The following SAMD7 variants were observed in gnomAD, a reference collection of about 807,000 sequenced individuals.
SAMD7 encodes sterile alpha motif domain containing 7.
A neutral mutation model predicts 36.7 loss-of-function variants in SAMD7; 34 were observed. The observed-to-expected ratio is 0.93, with a 90% CI of 0.71 to 1.23. The LOEUF (loss-of-function observed/expected upper bound fraction) is 1.23, where lower values mean the gene tolerates loss of function less well. SAMD7 is among the 50% of genes most tolerant of loss of function. SAMD7 has a pLI of 0.00. For missense variants in SAMD7, 570 were observed against 546.6 expected (o/e 1.04, Z -0.43); for synonymous variants, 188 against 189.7 (o/e 0.99, Z 0.07).
intron 7 of SAMD7, chr3:169,933,035 C>A (rs1300344011): frequency 4.9e-6 from 4 of 812,942 alleles, no homozygotes; most frequent in Non-Finnish European, 8.7e-6. Flanking sequence ...ACAGACGGAA[C>A]TACCTAAAGA....
intron 3 of SAMD7, among the ~76,000 whole-genome samples, 176 bp from the exon 4 acceptor site, chr3:169,921,038 A>G (rs1301295046): frequency 6.6e-6 from 1 of 152,164 alleles, no homozygotes; most frequent in African/African-American, 2.4e-5. Flanking sequence ...GTACTTCCCG[A>G]TCTTTCCACC....
At position 169,938,793 on chromosome 3, in the gene SAMD7, G is replaced by A. The variant is rs1404856710; in HGVS notation, c.*287G>A. The stretch of plus-strand genomic sequence containing the variant: ...ATGTTTCCATGAAGAAATCTCTGAA[G>A]AAACCAAAAGAGCTGAAACTGAAAA... On this transcript the variant is annotated 3_prime_UTR_variant, in exon 9 of 9. Transcript: ENST00000335556. 5 of 276,016 alleles carry A rather than the reference G, an allele frequency of 1.8e-5. No homozygotes were observed. The highest frequency in any genetic ancestry group is 9.9e-4 in the Middle Eastern group (1 of 1,006). The allele number at this position is 276,016 out of a possible 1,614,324, so 17.1% of individuals were successfully genotyped here.
intron 5 of SAMD7, chr3:169,926,301 C>A (rs2108261354): frequency 7.2e-7 from 1 of 1,391,098 alleles, no homozygotes. Context: ...CCCATCCCTG[C>A]TAAATTTGCC....
chr3:169,919,077 C>T (rs1712932758), intron 2 of SAMD7, among the ~76,000 whole-genome samples: 1 of 152,184 alleles, frequency 6.6e-6, no homozygotes, highest in South Asian at 2.1e-4. Flanking sequence ...ACCCGGGAGG[C>T]GGAGGTTGCA....
At chr3:169,934,808 G>T (rs1713662674) in intron 7 of SAMD7, among the ~76,000 whole-genome samples, 1 of 152,152 alleles carries the variant, frequency 6.6e-6, no homozygotes, top group African/African-American at 2.4e-5. Flanking sequence ...AGACCAAAGG[G>T]ACCTGAGTCA....
chr3:169,932,261 G>A (rs1713527066), intron 7 of SAMD7: 2 of 837,812 alleles, frequency 2.4e-6, no homozygotes, highest in Non-Finnish European at 4.0e-6. Context: ...CCAGAGCTGG[G>A]GGCAATCATG....
At chr3:169,934,819 G>A (rs2108266291) in intron 7 of SAMD7, among the ~76,000 whole-genome samples, 1 of 152,348 alleles carries the variant, frequency 6.6e-6, no homozygotes, top group African/African-American at 2.4e-5. Flanking sequence ...ACCTGAGTCA[G>A]AAGCCTAAGA....
intron 2 of SAMD7, among the ~76,000 whole-genome samples, chr3:169,918,139 T>C (rs927642092): frequency 6.6e-5 from 10 of 151,728 alleles, no homozygotes; most frequent in African/African-American, 1.9e-4. Flanking sequence ...GGTCTCACCA[T>C]GTTGGCCAGG....
intron 2 of SAMD7, among the ~76,000 whole-genome samples, chr3:169,917,286 A>C (rs933135988): frequency 4.6e-5 from 7 of 152,236 alleles, no homozygotes; most frequent in Non-Finnish European, 7.3e-5. Context: ...ATTAAATCAA[A>C]CACACAATTT....
At chr3:169,927,622 G>A (rs1289056513) in intron 6 of SAMD7, among the ~76,000 whole-genome samples, 1 of 151,870 alleles carries the variant, frequency 6.6e-6, no homozygotes, top group African/African-American at 2.4e-5. Flanking sequence ...AATCCTGCTT[G>A]GAATTACCTT....
intron 3 of SAMD7, 133 bp downstream of exon 3, chr3:169,919,717 C>G (rs1200138161): frequency 1.3e-6 from 1 of 762,696 alleles, no homozygotes; most frequent in Admixed American, 2.0e-5. Context: ...TAATTCAAGT[C>G]AAGACACCCT....
intron 7 of SAMD7, chr3:169,932,522 C>A: frequency 5.4e-6 from 3 of 558,914 alleles, no homozygotes; most frequent in Non-Finnish European, 7.0e-6. Context: ...CGTTCATCTT[C>A]AGACAGAGAT....
At chr3:169,920,469 T>TA (rs1323788199) in intron 3 of SAMD7, among the ~76,000 whole-genome samples, 1 of 152,188 alleles carries the variant, frequency 6.6e-6, no homozygotes, top group Non-Finnish European at 1.5e-5. Context: ...TAATCGAAAT[T>TA]ACCTCCTTAA....
At chr3:169,912,348 A>C (rs1187755203) in intron 1 of SAMD7, among the ~76,000 whole-genome samples, 1 of 152,216 alleles carries the variant, frequency 6.6e-6, no homozygotes, top group Non-Finnish European at 1.5e-5. Flanking sequence ...TAAAATCTAT[A>C]TTGATATTCC....
chr3:169,927,737 G>T (rs13434194), intron 6 of SAMD7, among the ~76,000 whole-genome samples: 3,782 of 152,200 alleles, frequency 0.025, 172 homozygotes, highest in African/African-American at 0.087. Flanking sequence ...GGCTGGGAAG[G>T]TAAATATCTT....
chr3:169,927,285 C>CTT (rs71634451), intron 6 of SAMD7, 104 bp downstream of exon 6: 1,470 of 141,602 alleles, frequency 0.01, 83 homozygotes, highest in Admixed American at 0.019. Flanking sequence ...TTTTATCTTT[C>CTT]TTTTTTTTTT....
Position 169,926,604 on chromosome 3 carries a change from T to G in SAMD7, c.342T>G (p.Ile114Met), listed in dbSNP as rs1393805460. The part of the protein sequence containing the change: ...AIYQQRRMEK[I>M]NPKGLAGLGI... ...ACCAGCAAAGGAGAATGGAAAAAAT[T>G]AATCCCAAGGGACTAGCAGGCCTAG... Residue 114 changes from isoleucine to methionine, a missense_variant, in exon 6 of 9, where the codon ATT (isoleucine) becomes ATG (methionine). Coordinates refer to ENST00000335556, the MANE Select transcript of SAMD7 (RefSeq NM_001304366.2). The G allele has an allele frequency of 1.2e-6, 2 of 1,612,684 alleles. No individual in the cohort carries two copies. The highest frequency in any genetic ancestry group is 1.7e-6 in the Non-Finnish European group (2 of 1,179,424).
rs1201840197 is a variant in SAMD7, at chr3:169,927,129, C to G, written c.867C>G (p.Thr289=). 1.3e-6 allele frequency: 2 copies of G among 1,570,252 alleles called. No homozygotes were observed. Among genetic ancestry groups the G allele is most frequent in the Non-Finnish European group, 8.6e-7 (1 of 1,164,648 alleles). The change falls in exon 6 of 9, where the codon ACC becomes ACG. Residue 289 remains threonine, a synonymous_variant. Coordinates refer to ENST00000335556, the MANE Select transcript of SAMD7 (RefSeq NM_001304366.2). ...AGGCTTCGGAGCAGATTTTTGCAAC[C>G]TGTGATGAAAAGAATGGGGTTTGCC... ...KEEASEQIFA[T]CDEKNGVCPP...
intron 7 of SAMD7, 56 bp downstream of exon 7, chr3:169,928,634 T>C (rs1008404412): frequency 6.4e-7 from 1 of 1,566,528 alleles, no homozygotes; most frequent in Non-Finnish European, 8.7e-7. Context: ...ATATCTTTCC[T>C]GCATAATGAA....
Sources: allele counts gnomAD v4.1 joint callset (sites outside exome capture counted in the v4.1 genomes callset), GRCh38; gene constraint gnomAD v4.1.1; transcripts MANE v1.5; gene names NCBI Gene and HGNC (gene_info 2026-07-23, HGNC 2026-07-21).